The following CNOT4 variants were observed in gnomAD, a reference collection of about 807,000 sequenced individuals.
The protein encoded by CNOT4 is CCR4-NOT transcription complex subunit 4, also known as CCR4-associated factor 4.
A neutral mutation model predicts 73.8 loss-of-function variants in CNOT4; 8 were observed. That is an observed-to-expected ratio of 0.11 (90% CI 0.06 to 0.20). The LOEUF (loss-of-function observed/expected upper bound fraction) is 0.20, where lower values mean the gene tolerates loss of function less well. Ranked by LOEUF, CNOT4 falls within the 10% of genes least tolerant of loss-of-function variation. The probability of loss-of-function intolerance (pLI) is 1.00; values close to 1 mark genes in which losing one functional copy is unlikely to be tolerated. For synonymous variants in CNOT4, 293 were observed against 321.1 expected, an observed-to-expected ratio of 0.91 and a Z score of 0.94; for missense variants, 564 against 883.4, an observed-to-expected ratio of 0.64 and a Z score of 4.58.
intron 7 of CNOT4, among the ~76,000 whole-genome samples, chr7:135,407,879 T>C (rs1797382607): frequency 6.6e-6 from 1 of 152,216 alleles, no homozygotes; most frequent in South Asian, 2.1e-4. Flanking sequence ...TTCAATGTAT[T>C]TTGAAACACA....
chr7:135,371,279 T>A (rs1029299404), intron 10 of CNOT4, among the ~76,000 whole-genome samples: 6 of 152,214 alleles, frequency 3.9e-5, no homozygotes, highest in African/African-American at 1.4e-4. Flanking sequence ...TACCAACCAG[T>A]CTGTGTCCTG....
chr7:135,414,388 G>T lies in CNOT4; in HGVS notation c.504C>A (p.Asp168Glu). 1 of 1,567,272 alleles carries T rather than the reference G, an allele frequency of 6.4e-7. No individual in the cohort carries two copies. The highest frequency in any genetic ancestry group is 8.8e-7 in the Non-Finnish European group (1 of 1,139,140). Residue 168 changes from aspartate (D) to glutamate (E), a missense_variant, in exon 5 of 12, where the codon GAC (aspartate) becomes GAA (glutamate). By Grantham distance (45) the Asp-to-Glu change is conservative (BLOSUM62 2). Coordinates refer to ENST00000541284, the MANE Select transcript of CNOT4 (RefSeq NM_001190850.2). ...TGACACACTGTATGGCTCTGAGAGCGTCTTCTGACCGGATATAGGTTACAT... is the reference window on the plus strand; with the variant it reads ...TGACACACTGTATGGCTCTGAGAGCTTCTTCTGACCGGATATAGGTTACAT... ...SAYVTYIRSE[D>E]ALRAIQCVNN...
intron 1 of CNOT4, among the ~76,000 whole-genome samples, chr7:135,491,777 A>G (rs1803126410): frequency 6.6e-6 from 1 of 152,240 alleles, no homozygotes; most frequent in Non-Finnish European, 1.5e-5. Context: ...CAGAAGAGAC[A>G]AATTGATGAT....
At chr7:135,407,531 G>A (rs1439823886) in intron 7 of CNOT4, among the ~76,000 whole-genome samples, 1 of 152,210 alleles carries the variant, frequency 6.6e-6, no homozygotes, top group East Asian at 1.9e-4. Flanking sequence ...ACACCTGCTA[G>A]TGCTACCAGT....
intron 1 of CNOT4, among the ~76,000 whole-genome samples, chr7:135,463,430 C>CG (rs1801003492): frequency 6.7e-6 from 1 of 149,266 alleles, no homozygotes; most frequent in Non-Finnish European, 1.5e-5. Flanking sequence ...CTCGGCTATT[C>CG]GGGGGGCTGA....
At chr7:135,374,949 A>G (rs903511487) in intron 10 of CNOT4, among the ~76,000 whole-genome samples, 4 of 152,232 alleles carry the variant, frequency 2.6e-5, no homozygotes, top group African/African-American at 9.6e-5. Flanking sequence ...CGCCTAAAAA[A>G]GTAACATTAA....
At chr7:135,433,070 T>C (rs1798941206) in intron 2 of CNOT4, among the ~76,000 whole-genome samples, 1 of 152,170 alleles carries the variant, frequency 6.6e-6, no homozygotes, top group African/African-American at 2.4e-5. Context: ...GATCATATTC[T>C]TGGATGATTA....
chr7:135,486,089 C>T (rs1350011962), intron 1 of CNOT4, among the ~76,000 whole-genome samples: 1 of 151,996 alleles, frequency 6.6e-6, no homozygotes, highest in Non-Finnish European at 1.5e-5. Flanking sequence ...TCTCACAAAT[C>T]ACCGCTAAAG....
At chr7:135,506,291 T>C (rs1221378159) in intron 1 of CNOT4, among the ~76,000 whole-genome samples, 1 of 152,206 alleles carries the variant, frequency 6.6e-6, no homozygotes, top group African/African-American at 2.4e-5. Context: ...ATGTAGTACA[T>C]TCTAGTTATA....
At chr7:135,421,942 G>A (rs1339281070) in intron 3 of CNOT4, among the ~76,000 whole-genome samples, 3 of 152,202 alleles carry the variant, frequency 2.0e-5, no homozygotes, top group African/African-American at 7.2e-5. Flanking sequence ...TTTTAGAACT[G>A]AAGAAATTGA....
intron 1 of CNOT4, among the ~76,000 whole-genome samples, chr7:135,441,960 C>G (rs1434747731): frequency 2.6e-5 from 4 of 152,056 alleles, no homozygotes; most frequent in Non-Finnish European, 5.9e-5. Flanking sequence ...AGCCAGCTGC[C>G]AAAAGTAATC....
chr7:135,436,875 T>C lies in CNOT4; in HGVS notation c.174+1283A>G, dbSNP rs62480643. On this transcript the variant is annotated intron_variant, in intron 2 of 11. Transcript: ENST00000541284. ...CAGATTATTTTTTAAATTTTAGATA[T>C]CTAAAACACATTTCAGCTTTCTCAA... 6.2e-3 allele frequency among the ~76,000 whole-genome samples: 940 copies of C among 152,184 alleles called. 5 individuals carry two copies. The highest frequency in any genetic ancestry group is 9.3e-3 in the Non-Finnish European group (635 of 67,968).
At position 135,422,171 on chromosome 7, in the gene CNOT4, G is replaced by A; in HGVS notation, c.357C>T (p.Arg119=). ...GAGGACTTACCTCTGGGTCTGCTAG[G>A]CGCTGAGATAAACCTACAACAAAGA... ...NLVFVVGLSQ[R]LADPEVLKRP... Residue 119 remains arginine (R), a synonymous_variant, in exon 3 of 12, where the codon CGC becomes CGT. Transcript: ENST00000541284. 6.2e-7 allele frequency: 1 copy of A among 1,607,250 alleles called. No homozygotes were observed. The highest frequency in any genetic ancestry group is 8.5e-7 in the Non-Finnish European group (1 of 1,173,896).
At chr7:135,437,936 A>G (rs912146106) in intron 2 of CNOT4, among the ~76,000 whole-genome samples, 2 of 152,206 alleles carry the variant, frequency 1.3e-5, no homozygotes, top group African/African-American at 4.8e-5. Flanking sequence ...GAGAGGTTAC[A>G]TGACTTTACA....
At chr7:135,453,847 T>TATATATATATATAA (rs1554438701) in intron 1 of CNOT4, among the ~76,000 whole-genome samples, 40 of 119,332 alleles carry the variant, frequency 3.4e-4, no homozygotes, top group Admixed American at 5.4e-4. Context: ...TATATATATA[T>TATATATATATATAA]TATATATATA....
intron 2 of CNOT4, among the ~76,000 whole-genome samples, chr7:135,430,735 T>C (rs1257395005): frequency 6.6e-6 from 1 of 152,154 alleles, no homozygotes; most frequent in African/African-American, 2.4e-5. Context: ...AAAAAGGTAT[T>C]TGGCAAAATT....
chr7:135,454,654 TA>T (rs964117051), intron 1 of CNOT4, among the ~76,000 whole-genome samples: 3 of 149,198 alleles, frequency 2.0e-5, no homozygotes, highest in Admixed American at 6.7e-5. Context: ...AAAAATAAAA[TA>T]AAAAAAGTAA....
At chr7:135,401,086 A>T (rs529073168) in intron 7 of CNOT4, among the ~76,000 whole-genome samples, 3 of 152,342 alleles carry the variant, frequency 2.0e-5, no homozygotes, top group African/African-American at 7.2e-5. Context: ...AAATTCCAAT[A>T]AATGTGAACT....
Position 135,414,350 on chromosome 7 carries a change from A to T in CNOT4, c.542T>A (p.Val181Glu). The T allele has an allele frequency of 7.0e-7, 1 of 1,420,232 alleles. No individual in the cohort carries two copies. Among genetic ancestry groups the T allele is most frequent in the Non-Finnish European group, 9.9e-7 (1 of 1,008,050 alleles). The allele number at this position is 1,420,232 out of a possible 1,614,324, so 88.0% of individuals were successfully genotyped here. A position where few individuals can be genotyped will look rare whatever the true frequency, so the allele number is the denominator to read the frequency against. ...RAIQCVNNVVVDGRTLKASLG... is the reference protein window; with the variant it reads ...RAIQCVNNVVEDGRTLKASLG... Reference sequence around the variant, plus strand: ...TATTACCTTAAGTGTTCTGCCATCTACTACCACATTGTTGACACACTGTAT... The same window carrying T: ...TATTACCTTAAGTGTTCTGCCATCTTCTACCACATTGTTGACACACTGTAT... The change falls in exon 5 of 12, where the codon GTA becomes GAA. Residue 181 changes from valine (V) to glutamate (E), a missense_variant. Val to Glu is a moderately radical substitution (Grantham distance 121, BLOSUM62 -2). Around this residue, in one of 10 missense-constraint regions of CNOT4, gnomAD observed 25 missense variants for 25.1 expected, o/e 1.00. Coordinates refer to ENST00000541284, the MANE Select transcript of CNOT4 (RefSeq NM_001190850.2).
Sources: gnomAD v4.1 joint callset for allele counts (sites outside exome capture counted in the v4.1 genomes callset) on GRCh38, gnomAD v4.1.1 for gene constraint, gnomAD v4.1.1 regional missense constraint, MANE v1.5 for transcripts, NCBI Gene and HGNC (gene_info 2026-07-23, HGNC 2026-07-21) for gene names.